The following PDE10A variants were observed in gnomAD, a reference collection of about 807,000 sequenced individuals.
PDE10A encodes phosphodiesterase 10A.
Under a neutral mutation model 97.7 loss-of-function variants are expected in PDE10A, and 39 were observed. The ratio of observed to expected loss-of-function variants is 0.40; its 90% CI spans 0.31 to 0.52. The LOEUF (loss-of-function observed/expected upper bound fraction) is 0.52. Ranked by LOEUF, PDE10A falls within the 20% of genes least tolerant of loss-of-function variation. PDE10A has a pLI of 0.56. For missense variants in PDE10A, 731 were observed against 1,047.8 expected (o/e 0.70, Z 4.17); for synonymous variants, 371 against 376.8 (o/e 0.98, Z 0.18).
At chr6:165,657,526 A>G (rs552956594) in intron 1 of PDE10A, among the ~76,000 whole-genome samples, 1 of 152,394 alleles carries the variant, frequency 6.6e-6, no homozygotes, top group Non-Finnish European at 1.5e-5. Flanking sequence ...GCACCGCACT[A>G]TGTTTAACCT....
At chr6:165,344,060 T>C (rs1782145839) in intron 18 of PDE10A, among the ~76,000 whole-genome samples, 1 of 152,172 alleles carries the variant, frequency 6.6e-6, no homozygotes, top group Admixed American at 6.5e-5. Flanking sequence ...CCAAACACTG[T>C]GCTTCTCATT....
chr6:165,777,819 G>A (rs1213865054), intron 1 of PDE10A, among the ~76,000 whole-genome samples: 1 of 152,128 alleles, frequency 6.6e-6, no homozygotes, highest in East Asian at 1.9e-4. Context: ...GTCCGGAATT[G>A]GAAGGTTACC....
chr6:165,536,097 T>G (rs1295589619), intron 2 of PDE10A, among the ~76,000 whole-genome samples: 1 of 152,074 alleles, frequency 6.6e-6, no homozygotes, highest in African/African-American at 2.4e-5. Context: ...CAAAACAGCA[T>G]GGTACTAGCA....
intron 1 of PDE10A, among the ~76,000 whole-genome samples, chr6:165,844,202 G>A (rs1435461120): frequency 1.3e-5 from 2 of 152,178 alleles, no homozygotes; most frequent in South Asian, 2.1e-4. Flanking sequence ...GCACTGCAGG[G>A]GGCCATGGTT....
intron 1 of PDE10A, among the ~76,000 whole-genome samples, chr6:165,920,171 G>T (rs1398405155): frequency 2.6e-5 from 4 of 152,134 alleles, no homozygotes; most frequent in African/African-American, 9.7e-5. Context: ...GAGTATTTAC[G>T]TTAGAACTGT....
chr6:165,378,816 T>C (rs1784767925), intron 18 of PDE10A, among the ~76,000 whole-genome samples: 1 of 152,218 alleles, frequency 6.6e-6, no homozygotes, highest in Non-Finnish European at 1.5e-5. Context: ...TAGGACTGGA[T>C]TCTGGAAATA....
At chr6:165,637,786 C>A (rs1304809697) in intron 1 of PDE10A, among the ~76,000 whole-genome samples, 1 of 152,136 alleles carries the variant, frequency 6.6e-6, no homozygotes, top group Admixed American at 6.5e-5. Context: ...CAAGACTTTA[C>A]GGAGCTATCA....
At position 165,392,629 on chromosome 6, in the gene PDE10A, A is replaced by G; in HGVS notation, c.2454+17T>C. On this transcript the variant is annotated intron_variant, in intron 16 of 21. Transcript: ENST00000539869. ...CACTGAGGTTACGAGAAACAGAGGT[A>G]AAGAGTGCACACCCACCTCAAGGTC... 1.2e-6 allele frequency: 2 copies of G among 1,608,498 alleles called. No individual in the cohort carries two copies. Among genetic ancestry groups the G allele is most frequent in the Non-Finnish European group, 1.7e-6 (2 of 1,175,152 alleles).
At chr6:165,364,609 C>T (rs1687808218) in intron 18 of PDE10A, among the ~76,000 whole-genome samples, 2 of 152,066 alleles carry the variant, frequency 1.3e-5, no homozygotes, top group South Asian at 4.1e-4. Flanking sequence ...CTTTTTTATA[C>T]CTTTACTGTG....
chr6:165,354,830 G>A (rs567656277), intron 18 of PDE10A, among the ~76,000 whole-genome samples: 182 of 152,238 alleles, frequency 1.2e-3, no homozygotes, highest in African/African-American at 4.2e-3. Context: ...CTACGCTGGT[G>A]GTAAAAGCCT....
intron 18 of PDE10A, among the ~76,000 whole-genome samples, chr6:165,353,881 AATG>A (rs1782858172): frequency 6.6e-6 from 1 of 152,170 alleles, no homozygotes; most frequent in Admixed American, 6.5e-5. Flanking sequence ...TTTAGGTGAT[AATG>A]ATGATTTAAT....
chr6:165,524,711 A>ATTT (rs1782327058), intron 2 of PDE10A, among the ~76,000 whole-genome samples: 1 of 152,180 alleles, frequency 6.6e-6, no homozygotes, highest in African/African-American at 2.4e-5. Context: ...TTGTGGAAAA[A>ATTT]CAGACACAAG....
chr6:165,692,636 C>T (rs1178508484), intron 1 of PDE10A, among the ~76,000 whole-genome samples: 2 of 152,212 alleles, frequency 1.3e-5, no homozygotes, highest in Admixed American at 1.3e-4. Context: ...AGTTTCTCCT[C>T]AAACCCTCAG....
rs577083495 is a variant in PDE10A at position 165,952,602 on chromosome 6, C to T, written c.-615+34927G>A. On this transcript the variant is annotated intron_variant, in intron 1 of 19. Transcript: ENST00000366882. Reference sequence around the variant, plus strand: ...TCTTTTAAGAAATGGAGAAAACTCACGGGAGGACTAAGAAATCTGGGAGAG... The same window carrying T: ...TCTTTTAAGAAATGGAGAAAACTCATGGGAGGACTAAGAAATCTGGGAGAG... Among the ~76,000 whole-genome samples the T allele has an allele frequency of 2.6e-5, 4 of 152,298 alleles. No homozygotes were observed. The South Asian group carries it at 8.3e-4, about 32-fold the overall frequency.
At chr6:165,947,924 A>G (rs1024444810) in intron 1 of PDE10A, among the ~76,000 whole-genome samples, 1 of 152,156 alleles carries the variant, frequency 6.6e-6, no homozygotes, top group African/African-American at 2.4e-5. Flanking sequence ...ATGTCCTATC[A>G]AACAGACTGG....
chr6:165,777,510 ATC>A (rs1778219637), intron 1 of PDE10A, among the ~76,000 whole-genome samples: 1 of 152,110 alleles, frequency 6.6e-6, no homozygotes, highest in Non-Finnish European at 1.5e-5. Flanking sequence ...GTAGTGGCCC[ATC>A]TCTAGGAAGG....
intron 1 of PDE10A, among the ~76,000 whole-genome samples, chr6:165,584,926 A>C (rs1785821466): frequency 6.6e-6 from 1 of 152,202 alleles, no homozygotes; most frequent in African/African-American, 2.4e-5. Flanking sequence ...AACACTATCT[A>C]GGACCAGGCA....
At chr6:165,818,715 T>G (rs1779485353) in intron 1 of PDE10A, among the ~76,000 whole-genome samples, 1 of 152,244 alleles carries the variant, frequency 6.6e-6, no homozygotes, top group Non-Finnish European at 1.5e-5. Flanking sequence ...ATGCTTCATA[T>G]GGGTGCCAAA....
intron 1 of PDE10A, among the ~76,000 whole-genome samples, chr6:165,844,584 T>G (rs928760731): frequency 6.6e-5 from 10 of 152,306 alleles, no homozygotes; most frequent in Admixed American, 6.5e-4. Flanking sequence ...GTTAAGTTCT[T>G]TATATAAAAG....
Sources: gnomAD v4.1 joint callset for allele counts (sites outside exome capture counted in the v4.1 genomes callset) on GRCh38, gnomAD v4.1.1 for gene constraint, MANE v1.5 for transcripts, NCBI Gene and HGNC (gene_info 2026-07-23, HGNC 2026-07-21) for gene names.